SH3RF2: variants seen among roughly 807,000 people sequenced by gnomAD.
The protein encoded by SH3RF2 is SH3 domain containing ring finger 2.
SH3RF2 carries 43 observed loss-of-function variants against 59.0 expected under a neutral mutation model. The ratio of observed to expected loss-of-function variants is 0.73; its 90% CI spans 0.57 to 0.94. The LOEUF (loss-of-function observed/expected upper bound fraction) is 0.94, where lower values mean the gene tolerates loss of function less well. SH3RF2 is among the 40% of genes least tolerant of loss of function. SH3RF2 has a pLI of 0.00. For synonymous variants in SH3RF2, 391 were observed against 391.5 expected, an observed-to-expected ratio of 1.00 and a Z score of 0.01; for missense variants, 930 against 940.1, an observed-to-expected ratio of 0.99 and a Z score of 0.14.
chr5:145,991,219 T>A (rs749223387), intron 2 of SH3RF2, among the ~76,000 whole-genome samples: 9 of 152,226 alleles, frequency 5.9e-5, no homozygotes, highest in Non-Finnish European at 1.0e-4. Flanking sequence ...GATCTGCCAA[T>A]ACACTGGCTG....
rs1380939687 is a variant in SH3RF2 at position 145,937,979 on chromosome 5, G to A, written c.51G>A (p.Glu17=). The A allele has an allele frequency of 6.2e-7, 1 of 1,614,206 alleles. No individual in the cohort carries two copies. The highest frequency in any genetic ancestry group is 1.7e-5 in the Admixed American group (1 of 60,024). ...TTCTGGAGTGCCCTGTGTGCTTTGA[G>A]AAGCTCGATGTCACAGCCAAAGTCC... ...LDLLECPVCF[E]KLDVTAKVLP... is the part of the protein sequence containing the mutation. Residue 17 remains glutamate, a synonymous_variant, in exon 2 of 10, where the codon GAG becomes GAA. Coordinates refer to ENST00000359120, the MANE Select transcript of SH3RF2 (RefSeq NM_152550.4).
chr5:146,018,256 CCT>C (rs978195238), intron 5 of SH3RF2, among the ~76,000 whole-genome samples: 1 of 152,012 alleles, frequency 6.6e-6, no homozygotes, highest in African/African-American at 2.4e-5. Flanking sequence ...CCTCACCCTC[CCT>C]CTCTCCTTTG....
At position 146,062,895 on chromosome 5, in the gene SH3RF2, A is replaced by G; in HGVS notation, c.*194A>G. On this transcript the variant is annotated 3_prime_UTR_variant, in exon 10 of 10. Transcript: ENST00000359120. ...GGGAGGATAGATGGCGTGGCCTTCCAAACATACAAACATAATGATTTGATG... is the reference window on the plus strand; with the variant it reads ...GGGAGGATAGATGGCGTGGCCTTCCGAACATACAAACATAATGATTTGATG... 1 of 673,078 alleles carries G rather than the reference A, an allele frequency of 1.5e-6. No individual in the cohort carries two copies. The highest frequency in any genetic ancestry group is 2.5e-6 in the Non-Finnish European group (1 of 407,882). The allele number at this position is 673,078 out of a possible 1,614,324, so 41.7% of individuals were successfully genotyped here. A position where few individuals can be genotyped will look rare whatever the true frequency, so the allele number is the denominator to read the frequency against.
At chr5:146,043,906 G>T (rs961388321) in intron 5 of SH3RF2, 2 of 152,258 alleles carry the variant, frequency 1.3e-5, no homozygotes, top group South Asian at 2.1e-4. Context: ...GAATGAAGTT[G>T]CTCTGAACAT....
At chr5:145,937,383 G>A (rs572161894) in intron 1 of SH3RF2, among the ~76,000 whole-genome samples, 4 of 152,310 alleles carry the variant, frequency 2.6e-5, no homozygotes, top group East Asian at 3.9e-4. Flanking sequence ...TGCATGTGGT[G>A]CAGATAATAG....
In SH3RF2 at chr5:145,962,555, G is replaced by C. The variant is rs532040936; in HGVS notation, c.378+24249G>C. On this transcript the variant is annotated intron_variant, in intron 2 of 9. Coordinates refer to ENST00000359120, the MANE Select transcript of SH3RF2 (RefSeq NM_152550.4). Reference sequence around the variant, plus strand: ...GCTGCCTCTTTGGAAAATCTTCTCAGTTGGTCTCTGATTCTGTCCCCCTCT... The same window carrying C: ...GCTGCCTCTTTGGAAAATCTTCTCACTTGGTCTCTGATTCTGTCCCCCTCT... Among the ~76,000 whole-genome samples the C allele has an allele frequency of 1.2e-4, 18 of 152,256 alleles. No individual in the cohort carries two copies. The South Asian group carries it at 3.7e-3, about 32-fold the overall frequency.
chr5:145,977,633 T>C (rs190754887), intron 2 of SH3RF2, among the ~76,000 whole-genome samples: 33 of 152,308 alleles, frequency 2.2e-4, no homozygotes, highest in Non-Finnish European at 4.4e-5. Flanking sequence ...GGTCTTACAG[T>C]ATCCCCATAT....
At chr5:145,960,311 G>C (rs1415322791) in intron 2 of SH3RF2, among the ~76,000 whole-genome samples, 1 of 152,152 alleles carries the variant, frequency 6.6e-6, no homozygotes, top group African/African-American at 2.4e-5. Context: ...TCAGATGTGG[G>C]ACATTCAAAA....
chr5:146,065,193 CCAAA>C (rs1763075046), downstream of SH3RF2, among the ~76,000 whole-genome samples: 2 of 152,076 alleles, frequency 1.3e-5, no homozygotes, highest in African/African-American at 2.4e-5. Context: ...GTTTGTGGAC[CCAAA>C]CAAACATGAG....
At chr5:145,983,182 G>A (rs552846351) in intron 2 of SH3RF2, among the ~76,000 whole-genome samples, 4 of 151,450 alleles carry the variant, frequency 2.6e-5, no homozygotes, top group Admixed American at 2.0e-4. Flanking sequence ...ATTCAGCAAT[G>A]TCTGTTGGTA....
At chr5:146,009,479 G>A (rs1760786179) in intron 4 of SH3RF2, among the ~76,000 whole-genome samples, 2 of 152,020 alleles carry the variant, frequency 1.3e-5, no homozygotes, top group Admixed American at 6.6e-5. Context: ...CCTCTTCTGG[G>A]CATATTCTTA....
In SH3RF2 at chr5:146,047,849, C is replaced by G; in HGVS notation, c.1137C>G (p.His379Gln). The G allele has an allele frequency of 6.2e-7, 1 of 1,614,056 alleles. No homozygotes were observed. Among genetic ancestry groups the G allele is most frequent in the Non-Finnish European group, 8.5e-7 (1 of 1,180,022 alleles). Reference protein sequence around the residue: ...AVVSLPGSQQHLSANMFVALH... With the variant: ...AVVSLPGSQQQLSANMFVALH... ...TCAGTCTGCCTGGCTCCCAGCAACA[C>G]CTCTCAGCGAACATGTGAGTAAAAG... The change falls in exon 6 of 10, where the codon CAC becomes CAG. Residue 379 changes from histidine to glutamine, a missense_variant. Coordinates refer to ENST00000359120, the MANE Select transcript of SH3RF2 (RefSeq NM_152550.4).
At chr5:146,023,211 T>A (rs1761396084) in intron 5 of SH3RF2, among the ~76,000 whole-genome samples, 1 of 152,082 alleles carries the variant, frequency 6.6e-6, no homozygotes, top group Non-Finnish European at 1.5e-5. Context: ...TTTTTCTTTT[T>A]TCTTTTTTCT....
intron 9 of SH3RF2, among the ~76,000 whole-genome samples, chr5:146,074,269 A>AT (rs1277254978): frequency 1.3e-5 from 2 of 152,028 alleles, no homozygotes; most frequent in Non-Finnish European, 2.9e-5. Flanking sequence ...TTTATCAAAC[A>AT]TTTTTTATCA....
chr5:146,010,934 A>T (rs74562507), intron 4 of SH3RF2, among the ~76,000 whole-genome samples: 107,877 of 151,686 alleles, frequency 0.71, 40,035 homozygotes, highest in African/African-American at 0.93. Context: ...TTTTGGTGTT[A>T]TAGACATGAA....
chr5:146,013,619 GA>G, intron 4 of SH3RF2, 127 bp from the exon 5 acceptor site: 1 of 898,716 alleles, frequency 1.1e-6, no homozygotes, highest in Non-Finnish European at 1.7e-6. Context: ...GCTCACCAAG[GA>G]ATGAGCATCT....
chr5:145,948,678 T>C (rs2149944087), intron 2 of SH3RF2, among the ~76,000 whole-genome samples: 1 of 152,348 alleles, frequency 6.6e-6, no homozygotes, highest in East Asian at 1.9e-4. Flanking sequence ...CTTGGGAAAT[T>C]CGCCATGTGG....
chr5:146,050,331 C>T (rs891633487), intron 7 of SH3RF2, among the ~76,000 whole-genome samples: 4 of 152,104 alleles, frequency 2.6e-5, no homozygotes, highest in African/African-American at 7.2e-5. Flanking sequence ...CATCTTGGTT[C>T]AATAAAAGGC....
intron 5 of SH3RF2, among the ~76,000 whole-genome samples, chr5:146,024,326 T>G (rs1214029464): frequency 6.6e-6 from 1 of 152,258 alleles, no homozygotes; most frequent in Non-Finnish European, 1.5e-5. Context: ...ATTTCCCTCA[T>G]GGCTAATAAG....
Sources: gnomAD v4.1 joint callset for allele counts (sites outside exome capture counted in the v4.1 genomes callset) on GRCh38, gnomAD v4.1.1 for gene constraint, MANE v1.5 for transcripts, NCBI Gene and HGNC (gene_info 2026-07-23, HGNC 2026-07-21) for gene names.